UBTD1: variants seen among roughly 807,000 people sequenced by gnomAD.
UBTD1 encodes ubiquitin domain containing 1, also known as ubiquitin domain-containing protein 1.
A neutral mutation model predicts 21.7 loss-of-function variants in UBTD1; 19 were observed. That is an observed-to-expected ratio of 0.87 (90% CI 0.61 to 1.28). The LOEUF is 1.28. Ranked by LOEUF, UBTD1 falls within the 50% of genes most tolerant of loss-of-function variation. UBTD1 has a pLI of 0.00. For missense variants in UBTD1, 282 were observed against 315.1 expected, an observed-to-expected ratio of 0.89 and a Z score of 0.80; for synonymous variants, 116 against 135.1, an observed-to-expected ratio of 0.86 and a Z score of 0.98.
intron 1 of UBTD1, among the ~76,000 whole-genome samples, chr10:97,508,074 G>A (rs2040406789): frequency 6.6e-6 from 1 of 152,204 alleles, no homozygotes; most frequent in South Asian, 2.1e-4. Context: ...CCATGTACTA[G>A]GAGCATCACG....
chr10:97,537,880 A>G (rs530413688), intron 1 of UBTD1, among the ~76,000 whole-genome samples: 1 of 143,842 alleles, frequency 7.0e-6, no homozygotes, highest in East Asian at 2.1e-4. Flanking sequence ...GGCTGGAATG[A>G]AGTGGTATGA....
At chr10:97,518,024 G>A (rs1245746334) in intron 1 of UBTD1, among the ~76,000 whole-genome samples, 4 of 152,122 alleles carry the variant, frequency 2.6e-5, no homozygotes, top group African/African-American at 7.2e-5. Flanking sequence ...GGGCCGCTCC[G>A]AGAATGGTGT....
chr10:97,499,151 G>A lies in UBTD1; in HGVS notation c.-53G>A. 6.7e-7 allele frequency: 1 copy of A among 1,494,092 alleles called. No homozygotes were observed. The highest frequency in any genetic ancestry group is 9.0e-7 in the Non-Finnish European group (1 of 1,116,112). The allele number at this position is 1,494,092 out of a possible 1,614,324, so 92.6% of individuals were successfully genotyped here. A position where few individuals can be genotyped will look rare whatever the true frequency, so the allele number is the denominator to read the frequency against. On this transcript the variant is annotated 5_prime_UTR_variant, in exon 1 of 3. Transcript: ENST00000370664. Reference sequence around the variant, plus strand: ...GACCCGGGACGCCGCCGTCCGCTGAGCAGCCGACCACCCCGCCGCCTCCGG... The same window carrying A: ...GACCCGGGACGCCGCCGTCCGCTGAACAGCCGACCACCCCGCCGCCTCCGG...
At chr10:97,514,929 C>G (rs1297256258) in intron 1 of UBTD1, among the ~76,000 whole-genome samples, 16 of 152,136 alleles carry the variant, frequency 1.1e-4, no homozygotes, top group African/African-American at 3.9e-4. Flanking sequence ...GCAAGCTGAT[C>G]CTCTGAGGTT....
intron 1 of UBTD1, among the ~76,000 whole-genome samples, chr10:97,550,064 T>G (rs1279245967): frequency 1.3e-5 from 2 of 152,012 alleles, no homozygotes; most frequent in Non-Finnish European, 2.9e-5. Context: ...GAGATTCGAG[T>G]CTGTATCCTG....
chr10:97,555,849 G>C (rs528899076), intron 1 of UBTD1, among the ~76,000 whole-genome samples: 3 of 152,324 alleles, frequency 2.0e-5, no homozygotes, highest in African/African-American at 7.2e-5. Context: ...TGGGCTGCCT[G>C]TCTTTGGTTT....
At position 97,570,240 on chromosome 10, in the gene UBTD1, A is replaced by G; in HGVS notation, c.401A>G (p.Glu134Gly). The G allele has an allele frequency of 6.2e-7, 1 of 1,613,016 alleles. No individual in the cohort carries two copies. Among genetic ancestry groups the G allele is most frequent in the Non-Finnish European group, 8.5e-7 (1 of 1,179,956 alleles). The change falls in exon 3 of 3, where the codon GAG (glutamate) becomes GGG (glycine). Residue 134 changes from glutamate (E) to glycine (G), a missense_variant. Coordinates refer to ENST00000370664, the MANE Select transcript of UBTD1 (RefSeq NM_024954.5). The surrounding 1 kb of genome is among the most constrained non-coding windows in gnomAD (Gnocchi z 6.6). ...CTGCTGCTGGAGCACACGGAGGAGG[A>G]GAGCCTGGAGCCCCCCGAGCCTCCA... ...VNLLLEHTEE[E>G]SLEPPEPPPS...
In UBTD1 at chr10:97,570,998, G is replaced by A. The variant is rs183469983; in HGVS notation, c.*475G>A. 1,018 of 161,574 alleles carry A rather than the reference G, an allele frequency of 6.3e-3. 12 individuals carry two copies. Among genetic ancestry groups the A allele is most frequent in the African/African-American group, 0.023 (943 of 41,764 alleles). 10.0% of individuals were successfully genotyped at this position (161,574 alleles called of 1,614,324 possible). A position where few individuals can be genotyped will look rare whatever the true frequency, so the allele number is the denominator to read the frequency against. On this transcript the variant is annotated 3_prime_UTR_variant, in exon 3 of 3. Transcript: ENST00000370664. The surrounding 1 kb of genome is among the most constrained non-coding windows in gnomAD (Gnocchi z 6.6). ...CCCCAGGGCTTGGGAAGCCTGAGGC[G>A]GGCCTCTGCCTCTCCCTGCCCCCAG...
chr10:97,534,080 C>T (rs560462812), intron 1 of UBTD1, among the ~76,000 whole-genome samples: 1 of 152,304 alleles, frequency 6.6e-6, no homozygotes, highest in African/African-American at 2.4e-5. Context: ...CTTTTCTGGC[C>T]AGCTTCTGCC....
chr10:97,533,937 A>AC (rs2040546516), intron 1 of UBTD1, among the ~76,000 whole-genome samples: 1 of 150,268 alleles, frequency 6.7e-6, no homozygotes, highest in African/African-American at 2.4e-5. Flanking sequence ...AAAAAAAAAA[A>AC]AAAATCTTAA....
chr10:97,566,321 T>C (rs2040716910), intron 1 of UBTD1, among the ~76,000 whole-genome samples: 2 of 152,034 alleles, frequency 1.3e-5, no homozygotes, highest in African/African-American at 4.8e-5. Context: ...CTTGGAACTT[T>C]ATCTTGGGAA....
At chr10:97,564,808 C>A (rs562503194) in intron 1 of UBTD1, among the ~76,000 whole-genome samples, 3 of 152,306 alleles carry the variant, frequency 2.0e-5, no homozygotes, top group Non-Finnish European at 4.4e-5. Flanking sequence ...AGGTGATCTG[C>A]CCACCTTGGC....
Position 97,570,777 on chromosome 10 carries a change from G to A in UBTD1, c.*254G>A, listed in dbSNP as rs576975931. On this transcript the variant is annotated 3_prime_UTR_variant, in exon 3 of 3. Transcript: ENST00000370664. The surrounding 1 kb of genome is among the most constrained non-coding windows in gnomAD (Gnocchi z 6.6). ...AGGGCCCTCACCCTGCCTGTCTCCCGAAGCAGGTTCGAGCCACAAGGGCCA... is the reference window on the plus strand; with the variant it reads ...AGGGCCCTCACCCTGCCTGTCTCCCAAAGCAGGTTCGAGCCACAAGGGCCA... The A allele has an allele frequency of 2.9e-3, 1,392 of 481,118 alleles. 4 individuals are homozygous for A. The highest frequency in any genetic ancestry group is 0.015 in the Middle Eastern group (26 of 1,752). The allele number at this position is 481,118 out of a possible 1,614,324, so 29.8% of individuals were successfully genotyped here.
At chr10:97,506,520 T>C (rs545048642) in intron 1 of UBTD1, among the ~76,000 whole-genome samples, 4 of 152,202 alleles carry the variant, frequency 2.6e-5, no homozygotes, top group Non-Finnish European at 5.9e-5. Flanking sequence ...AATTTACTTG[T>C]ATGTAACAGC....
intron 1 of UBTD1, among the ~76,000 whole-genome samples, chr10:97,532,350 C>T (rs1003106949): frequency 5.9e-5 from 9 of 152,306 alleles, no homozygotes; most frequent in East Asian, 1.9e-4. Context: ...TTTTTCTCCT[C>T]GAAAGCTCTG....
chr10:97,541,501 A>G (rs2040587045), intron 1 of UBTD1, among the ~76,000 whole-genome samples: 2 of 152,120 alleles, frequency 1.3e-5, no homozygotes. Flanking sequence ...AAAACTCCTT[A>G]TAATCATAAA....
At chr10:97,567,675 AAAAC>A (rs2040724433) in intron 1 of UBTD1, among the ~76,000 whole-genome samples, 1 of 152,010 alleles carries the variant, frequency 6.6e-6, no homozygotes, top group Non-Finnish European at 1.5e-5. Flanking sequence ...CAAAAAACAA[AAAAC>A]AAAAACAATG....
At chr10:97,539,279 A>G (rs2040576880) in intron 1 of UBTD1, among the ~76,000 whole-genome samples, 1 of 152,172 alleles carries the variant, frequency 6.6e-6, no homozygotes, top group South Asian at 2.1e-4. Flanking sequence ...GGCTTCTTTC[A>G]AAGCCTTTCA....
intron 1 of UBTD1, among the ~76,000 whole-genome samples, chr10:97,534,411 G>A (rs1473183549): frequency 6.6e-6 from 1 of 152,180 alleles, no homozygotes; most frequent in Non-Finnish European, 1.5e-5. Flanking sequence ...GCTAGAAACA[G>A]TCTTTCCTTC....
Sources: gnomAD v4.1 joint callset for allele counts (sites outside exome capture counted in the v4.1 genomes callset) on GRCh38, gnomAD v4.1.1 for gene constraint, Gnocchi (gnomAD v3.1) non-coding constraint, MANE v1.5 for transcripts, NCBI Gene and HGNC (gene_info 2026-07-23, HGNC 2026-07-21) for gene names.